FTO: variants seen among roughly 807,000 people sequenced by gnomAD.
FTO encodes the protein FTO alpha-ketoglutarate dependent dioxygenase, also known as alpha-ketoglutarate-dependent dioxygenase FTO.
In FTO, 47 loss-of-function variants were observed where a neutral mutation model predicts 63.9. That is an observed-to-expected ratio of 0.74 (90% CI 0.58 to 0.94). The LOEUF is 0.94. Ranked by LOEUF, FTO falls within the 40% of genes least tolerant of loss-of-function variation. The probability of loss-of-function intolerance (pLI) is 0.00; values close to 1 mark genes in which losing one functional copy is unlikely to be tolerated. For missense variants in FTO, 562 were observed against 618.1 expected (o/e 0.91, Z 0.96); for synonymous variants, 207 against 224.4 (o/e 0.92, Z 0.69).
chr16:53,973,171 C>T (rs2083367915), intron 8 of FTO, among the ~76,000 whole-genome samples: 1 of 152,124 alleles, frequency 6.6e-6, no homozygotes, highest in Admixed American at 6.5e-5. Context: ...GGTGGCCTGG[C>T]ATCGAGAGCA....
intron 8 of FTO, among the ~76,000 whole-genome samples, chr16:53,955,734 T>C (rs1195030467): frequency 1.3e-5 from 2 of 152,222 alleles, no homozygotes; most frequent in Non-Finnish European, 2.9e-5. Flanking sequence ...GATTGTGAGA[T>C]AAATGCCAAG....
intron 7 of FTO, among the ~76,000 whole-genome samples, chr16:53,894,632 T>G (rs181602125): frequency 2.0e-5 from 3 of 150,764 alleles, no homozygotes; most frequent in African/African-American, 7.3e-5. Flanking sequence ...TCACCAATTT[T>G]TGTGTGTGTG....
intron 1 of FTO, among the ~76,000 whole-genome samples, chr16:53,767,720 G>A (rs1188715851): frequency 6.6e-6 from 1 of 151,978 alleles, no homozygotes; most frequent in African/African-American, 2.4e-5. Flanking sequence ...CAACTTGCAG[G>A]TCAGGTTTTA....
intron 3 of FTO, among the ~76,000 whole-genome samples, chr16:53,838,604 C>T (rs960251230): frequency 2.0e-5 from 3 of 152,182 alleles, no homozygotes; most frequent in African/African-American, 7.2e-5. Context: ...AACCACCACA[C>T]CAAGCTGAGA....
intron 8 of FTO, among the ~76,000 whole-genome samples, chr16:54,111,508 T>C (rs1459572032): frequency 1.3e-5 from 2 of 152,214 alleles, no homozygotes; most frequent in Non-Finnish European, 2.9e-5. Context: ...TCCCTGATGA[T>C]TGGCTTCTAC....
chr16:54,030,963 C>A (rs1221278429), intron 8 of FTO, among the ~76,000 whole-genome samples: 1 of 152,162 alleles, frequency 6.6e-6, no homozygotes, highest in East Asian at 1.9e-4. Context: ...AGTATTATTC[C>A]ATAAGAATGC....
intron 7 of FTO, among the ~76,000 whole-genome samples, chr16:53,904,799 C>T (rs574146894): frequency 6.6e-6 from 1 of 152,186 alleles, no homozygotes; most frequent in Admixed American, 6.5e-5. Flanking sequence ...CTTGGCCTCT[C>T]CTGCTCGCCT....
intron 7 of FTO, among the ~76,000 whole-genome samples, chr16:53,917,587 T>G (rs945325400): frequency 3.3e-5 from 5 of 151,940 alleles, no homozygotes. Flanking sequence ...TTATGTGTTT[T>G]AGGTAGTCAT....
intron 4 of FTO, among the ~76,000 whole-genome samples, chr16:53,850,989 A>T (rs1180093960): frequency 1.3e-5 from 2 of 152,146 alleles, no homozygotes; most frequent in South Asian, 2.1e-4. Context: ...AAACTATTTT[A>T]AAAAAAGAAA....
At chr16:53,777,637 A>G (rs149971057) in intron 1 of FTO, among the ~76,000 whole-genome samples, 1 of 152,186 alleles carries the variant, frequency 6.6e-6, no homozygotes, top group Non-Finnish European at 1.5e-5. Flanking sequence ...TTCATTATAC[A>G]GTGTAAAAAA....
chr16:53,827,497 G>A (rs2079038144), intron 3 of FTO, among the ~76,000 whole-genome samples: 1 of 152,094 alleles, frequency 6.6e-6, no homozygotes, highest in Non-Finnish European at 1.5e-5. Flanking sequence ...CTAGTTATTT[G>A]ATTGGATTTT....
chr16:53,970,019 G>C (rs1223352078), intron 8 of FTO, among the ~76,000 whole-genome samples: 1 of 152,116 alleles, frequency 6.6e-6, no homozygotes, highest in Non-Finnish European at 1.5e-5. Context: ...CTGGACTGAG[G>C]AGCATGTCCA....
chr16:53,891,463 C>T (rs977688419), intron 7 of FTO, among the ~76,000 whole-genome samples: 2 of 151,394 alleles, frequency 1.3e-5, no homozygotes, highest in African/African-American at 4.9e-5. Flanking sequence ...GAGTTTGAGA[C>T]TAGCCTGGGC....
intron 8 of FTO, among the ~76,000 whole-genome samples, chr16:53,944,820 A>G (rs1397662187): frequency 6.6e-6 from 1 of 152,240 alleles, no homozygotes; most frequent in Non-Finnish European, 1.5e-5. Flanking sequence ...TGATCTTCAG[A>G]TCAAAACAAT....
intron 8 of FTO, among the ~76,000 whole-genome samples, chr16:53,980,749 T>C (rs1232204495): frequency 2.0e-5 from 3 of 152,200 alleles, no homozygotes; most frequent in Non-Finnish European, 2.9e-5. Context: ...TAAATCTAAA[T>C]AGAAAGTTCC....
At chr16:54,052,810 C>A (rs1418417591) in intron 8 of FTO, among the ~76,000 whole-genome samples, 2 of 152,108 alleles carry the variant, frequency 1.3e-5, no homozygotes, top group Non-Finnish European at 2.9e-5. Flanking sequence ...AGAGATTCTC[C>A]TGCCTCAGCC....
chr16:53,873,734 A>G, intron 4 of FTO, 52 bp from the exon 5 acceptor site: 1 of 1,325,116 alleles, frequency 7.5e-7, no homozygotes, highest in Non-Finnish European at 1.1e-6. Context: ...AATATATAGT[A>G]TATACTGACT....
At chr16:53,888,433 T>TTTTAAAAATAAAAATAAATTA (rs1283533485) in intron 6 of FTO, among the ~76,000 whole-genome samples, 1 of 151,288 alleles carries the variant, frequency 6.6e-6, no homozygotes, top group African/African-American at 2.4e-5. Flanking sequence ...GCCAATTTAT[T>TTTTAAAAATAAAAATAAATTA]AGTAGCTTGG....
At chr16:54,102,602 A>G (rs1000194746) in intron 8 of FTO, among the ~76,000 whole-genome samples, 1 of 152,166 alleles carries the variant, frequency 6.6e-6, no homozygotes, top group Non-Finnish European at 1.5e-5. Context: ...TATTATTAAT[A>G]TTATATTTCA....
Sources: gnomAD v4.1 joint callset for allele counts (sites outside exome capture counted in the v4.1 genomes callset) on GRCh38, gnomAD v4.1.1 for gene constraint, MANE v1.5 for transcripts, NCBI Gene and HGNC (gene_info 2026-07-23, HGNC 2026-07-21) for gene names.